The following TSPAN11 variants were observed in gnomAD, a reference collection of about 807,000 sequenced individuals.
TSPAN11 encodes tetraspanin-11.
A neutral mutation model predicts 32.9 loss-of-function variants in TSPAN11; 29 were observed. The observed-to-expected ratio is 0.88, with a 90% CI of 0.66 to 1.20. TSPAN11 has a LOEUF of 1.20. Among genes scored for constraint, TSPAN11 ranks in the 50% most tolerant of loss-of-function variants. The pLI is 0.00. For synonymous variants in TSPAN11, 140 were observed against 141.3 expected, an observed-to-expected ratio of 0.99 and a Z score of 0.07; for missense variants, 283 against 329.1, an observed-to-expected ratio of 0.86 and a Z score of 1.08.
At chr12:30,961,267 C>A (rs1938607482) in intron 2 of TSPAN11, among the ~76,000 whole-genome samples, 1 of 151,876 alleles carries the variant, frequency 6.6e-6, no homozygotes, top group Non-Finnish European at 1.5e-5. Flanking sequence ...TCAGAACCAT[C>A]TTGCCGGAGG....
chr12:30,965,662 C>T (rs542071302), intron 3 of TSPAN11, among the ~76,000 whole-genome samples: 1 of 152,292 alleles, frequency 6.6e-6, no homozygotes, highest in Admixed American at 6.5e-5. Context: ...AACTCTGTGC[C>T]GAGCAAGCGC....
intron 2 of TSPAN11, among the ~76,000 whole-genome samples, chr12:30,963,148 G>A (rs773480301): frequency 4.6e-5 from 7 of 152,158 alleles, no homozygotes; most frequent in Non-Finnish European, 1.0e-4. Context: ...AGTCCCAGGC[G>A]GCTCCAGCCT....
chr12:30,933,030 A>G (rs535239004), intron 1 of TSPAN11, among the ~76,000 whole-genome samples: 2 of 152,006 alleles, frequency 1.3e-5, no homozygotes, highest in South Asian at 4.2e-4. Flanking sequence ...CCCTCTTTCC[A>G]CCCCATAGGC....
intron 1 of TSPAN11, among the ~76,000 whole-genome samples, chr12:30,930,654 G>A (rs1394361453): frequency 3.3e-5 from 5 of 152,204 alleles, no homozygotes; most frequent in East Asian, 1.9e-4. Flanking sequence ...GGTACGGAGC[G>A]CCCAGGTATC....
At chr12:30,978,733 C>A in intron 4 of TSPAN11, 98 bp downstream of exon 4, 1 of 1,276,586 alleles carries the variant, frequency 7.8e-7, no homozygotes, top group Non-Finnish European at 1.1e-6. Flanking sequence ...CTGAGGAAGG[C>A]ACAAGGGCGG....
At chr12:30,966,072 C>G (rs1192231486) in intron 3 of TSPAN11, among the ~76,000 whole-genome samples, 4 of 150,862 alleles carry the variant, frequency 2.7e-5, no homozygotes, top group Non-Finnish European at 5.9e-5. Flanking sequence ...TTATGTGTGG[C>G]CCAGGGAAGC....
chr12:30,958,828 G>A (rs1938552031), intron 2 of TSPAN11, among the ~76,000 whole-genome samples: 1 of 152,176 alleles, frequency 6.6e-6, no homozygotes, highest in African/African-American at 2.4e-5. Context: ...TGGCCCAAGA[G>A]CGTGGCATCA....
intron 2 of TSPAN11, among the ~76,000 whole-genome samples, chr12:30,957,302 C>T (rs146080485): frequency 4.8e-4 from 69 of 144,688 alleles, no homozygotes; most frequent in African/African-American, 1.7e-3. Context: ...GGGTCACAGT[C>T]GAGGGGGATA....
At chr12:31,010,340 A>G in the TSPAN11 span, among the ~76,000 whole-genome samples, 1 of 152,238 alleles carries the variant, frequency 6.6e-6, no homozygotes, top group Non-Finnish European at 1.5e-5. Flanking sequence ...GTTTCAGGCC[A>G]CATTGACATT....
chr12:31,012,609 A>G, the TSPAN11 span: 1 of 152,158 alleles, frequency 6.6e-6, no homozygotes, highest in African/African-American at 2.4e-5. Flanking sequence ...GGCTTCCAGG[A>G]AGGATATCCT....
chr12:30,938,260 TC>T (rs752535591), intron 1 of TSPAN11, among the ~76,000 whole-genome samples: 1 of 151,882 alleles, frequency 6.6e-6, no homozygotes, highest in Non-Finnish European at 1.5e-5. Context: ...TCAATGGGGG[TC>T]TTTTATTGGA....
At chr12:30,980,087 G>A (rs963972635) in intron 5 of TSPAN11, among the ~76,000 whole-genome samples, 5 of 152,222 alleles carry the variant, frequency 3.3e-5, no homozygotes, top group African/African-American at 4.8e-5. Context: ...CTGTGACTCC[G>A]TAAGAGTGAG....
At chr12:30,935,581 A>C (rs1938029451) in intron 1 of TSPAN11, among the ~76,000 whole-genome samples, 1 of 151,980 alleles carries the variant, frequency 6.6e-6, no homozygotes, top group African/African-American at 2.4e-5. Flanking sequence ...ACGGGGTTTC[A>C]CCATGTTGGC....
chr12:31,002,986 C>A, the TSPAN11 span, among the ~76,000 whole-genome samples: 20 of 152,302 alleles, frequency 1.3e-4, no homozygotes, highest in African/African-American at 2.6e-4. The surrounding 1 kb of genome is among the most constrained non-coding windows in gnomAD (Gnocchi z 4.8). Flanking sequence ...GCAGTTCTCA[C>A]CCCCTGCCTG....
At chr12:30,947,092 G>A (rs1001550521) in intron 1 of TSPAN11, among the ~76,000 whole-genome samples, 3 of 152,176 alleles carry the variant, frequency 2.0e-5, no homozygotes, top group East Asian at 1.9e-4. Context: ...AGGTCCCTCC[G>A]TTCACTGGCA....
At chr12:30,988,611 C>CT (rs1565805582) in intron 7 of TSPAN11, 1 of 152,006 alleles carries the variant, frequency 6.6e-6, no homozygotes, top group Non-Finnish European at 1.5e-5. Flanking sequence ...AAAAAAAAAA[C>CT]CACACACACA....
At chr12:30,987,652 C>CA (rs1173067732) in intron 7 of TSPAN11, among the ~76,000 whole-genome samples, 4 of 151,966 alleles carry the variant, frequency 2.6e-5, no homozygotes, top group Non-Finnish European at 5.9e-5. Flanking sequence ...CAAAATGAAA[C>CA]AAAATGGTCT....
rs1939394432 is a variant in TSPAN11, at chr12:30,995,258, C to T, written c.*3343C>T. On this transcript the variant is annotated 3_prime_UTR_variant, in exon 8 of 8. Coordinates refer to ENST00000546076, the MANE Select transcript of TSPAN11 (RefSeq NM_001370302.1). ...AATCTCATGTCCACATGGAGGTCAC[C>T]CCTCAGGTCACACCCACTCCCAGAG... 1 of 152,334 alleles carries T rather than the reference C, an allele frequency of 6.6e-6. No individual in the cohort carries two copies. Among genetic ancestry groups the T allele is most frequent in the South Asian group, 2.1e-4 (1 of 4,830 alleles). The allele number at this position is 152,334 out of a possible 1,614,324, so 9.4% of individuals were successfully genotyped here.
downstream of TSPAN11, among the ~76,000 whole-genome samples, chr12:30,999,877 G>A (rs185773356): frequency 2.0e-5 from 3 of 152,178 alleles, no homozygotes; most frequent in Admixed American, 2.0e-4. Flanking sequence ...ACAGGGCCAA[G>A]GGAAACTAGG....
Sources: allele counts gnomAD v4.1 joint callset (sites outside exome capture counted in the v4.1 genomes callset), GRCh38; gene constraint gnomAD v4.1.1; non-coding constraint Gnocchi (gnomAD v3.1); transcripts MANE v1.5; gene names NCBI Gene and HGNC (gene_info 2026-07-23, HGNC 2026-07-21).